Variants in GARIN5B observed in about 807,000 individuals in gnomAD.
The protein encoded by GARIN5B is golgi associated RAB2 interactor family member 5B.
the GARIN5B span, chr19:55,358,231 C>A: frequency 6.4e-7 from 1 of 1,550,724 alleles, no homozygotes; most frequent in Non-Finnish European, 8.7e-7. Flanking sequence ...GTTCTAAGAG[C>A]ATGGGCAAAA....
the GARIN5B span, chr19:55,360,827 C>G: frequency 6.5e-7 from 1 of 1,550,036 alleles, no homozygotes; most frequent in African/African-American, 1.4e-5. Context: ...CACACTGTGG[C>G]AAGGGGTGGG....
the GARIN5B span, chr19:55,358,496 T>C: frequency 6.5e-7 from 1 of 1,537,122 alleles, no homozygotes; most frequent in Non-Finnish European, 8.8e-7. Flanking sequence ...GGGTGGCCCC[T>C]TGGGGTCCCA....
At chr19:55,362,412 G>A in the GARIN5B span, 1 of 1,550,646 alleles carries the variant, frequency 6.4e-7, no homozygotes, top group Non-Finnish European at 8.7e-7. Flanking sequence ...TCCAGGGCCA[G>A]GTAGTACTGG....
At chr19:55,359,592 G>A in the GARIN5B span, 25 of 1,551,258 alleles carry the variant, frequency 1.6e-5, no homozygotes, top group Non-Finnish European at 2.1e-5. Flanking sequence ...GATGAAGCAG[G>A]TACAGCTGGG....
At chr19:55,362,598 G>A in the GARIN5B span, 20 of 1,545,442 alleles carry the variant, frequency 1.3e-5, no homozygotes, top group Non-Finnish European at 1.7e-5. Flanking sequence ...CGAGGCCGGA[G>A]CAGTCCCTGT....
At chr19:55,359,194 C>G in the GARIN5B span, 1 of 1,551,408 alleles carries the variant, frequency 6.4e-7, no homozygotes, top group Non-Finnish European at 8.7e-7. Flanking sequence ...CAGGGAGCTT[C>G]CCCCGTGAGG....
At chr19:55,355,192 C>T in the GARIN5B span, 1 of 107,464 alleles carries the variant, frequency 9.3e-6, no homozygotes, top group African/African-American at 3.5e-5. Flanking sequence ...GCCCCCCCCA[C>T]CCTCCTCCCT....
the GARIN5B span, chr19:55,358,822 G>A: frequency 6.5e-7 from 1 of 1,546,448 alleles, no homozygotes; most frequent in Non-Finnish European, 8.7e-7. Context: ...CCTGGGAGGG[G>A]CCCTCGACGG....
At chr19:55,360,010 G>A in the GARIN5B span, 7 of 1,512,812 alleles carry the variant, frequency 4.6e-6, no homozygotes, top group African/African-American at 6.9e-5. Flanking sequence ...GAGGATACAT[G>A]GTCAGGATGC....
chr19:55,360,808 C>G, the GARIN5B span: 3 of 1,551,266 alleles, frequency 1.9e-6, no homozygotes, highest in Non-Finnish European at 2.6e-6. Flanking sequence ...GGGGCAGGAA[C>G]CAGAGCCACA....
the GARIN5B span, chr19:55,361,441 A>T: frequency 6.1e-6 from 9 of 1,486,616 alleles, no homozygotes; most frequent in Non-Finnish European, 8.1e-6. Flanking sequence ...GGTCCTGCAG[A>T]GATAGAGGGA....
At chr19:55,358,176 C>T in the GARIN5B span, 1 of 1,521,128 alleles carries the variant, frequency 6.6e-7, no homozygotes, top group Admixed American at 2.2e-5. Flanking sequence ...CCCGATTCCT[C>T]CTGTATCTCC....
the GARIN5B span, chr19:55,362,751 G>C: frequency 1.9e-5 from 29 of 1,521,670 alleles, no homozygotes; most frequent in Admixed American, 1.0e-4. Flanking sequence ...GCCAGGGAGA[G>C]GGGGCTGGGA....
the GARIN5B span, chr19:55,359,757 G>C: frequency 1.9e-6 from 3 of 1,551,410 alleles, no homozygotes; most frequent in South Asian, 1.2e-5. Context: ...GGTGTGGAGA[G>C]GCAGGCAGCC....
the GARIN5B span, chr19:55,360,578 T>C: frequency 1.8e-6 from 2 of 1,094,786 alleles, no homozygotes; most frequent in Non-Finnish European, 2.4e-6. Context: ...CCCTCCTCCC[T>C]CAGACCCAGG....
At chr19:55,357,569 G>A in the GARIN5B span, among the ~76,000 whole-genome samples, 1 of 152,182 alleles carries the variant, frequency 6.6e-6, no homozygotes, top group Non-Finnish European at 1.5e-5. Flanking sequence ...CCCCAGCTCC[G>A]TGAGGGCTCC....
the GARIN5B span, among the ~76,000 whole-genome samples, chr19:55,356,469 G>A: frequency 8.6e-5 from 13 of 151,752 alleles, no homozygotes; most frequent in African/African-American, 1.5e-4. Flanking sequence ...CGCCATGCCC[G>A]GCTAATTTTT....
chr19:55,359,622 C>G, the GARIN5B span: 1 of 1,550,818 alleles, frequency 6.4e-7, no homozygotes, highest in Non-Finnish European at 8.7e-7. Flanking sequence ...GACTGGTCAA[C>G]AAGGAACGGT....
At chr19:55,362,370 G>A in the GARIN5B span, 6 of 1,550,644 alleles carry the variant, frequency 3.9e-6, no homozygotes, top group Non-Finnish European at 5.2e-6. Context: ...ACCCAGCAGT[G>A]GAACAGGAAG....
Sources: allele counts gnomAD v4.1 joint callset (sites outside exome capture counted in the v4.1 genomes callset), GRCh38; gene constraint gnomAD v4.1.1; transcripts MANE v1.5; gene names NCBI Gene and HGNC (gene_info 2026-07-23, HGNC 2026-07-21).